Variants in ALDH1L2 observed in about 807,000 individuals in gnomAD.
ALDH1L2 encodes the protein mitochondrial 10-formyltetrahydrofolate dehydrogenase.
ALDH1L2 carries 91 observed loss-of-function variants against 111.0 expected under a neutral mutation model. That is an observed-to-expected ratio of 0.82 (90% confidence interval 0.69 to 0.98). The LOEUF (loss-of-function observed/expected upper bound fraction) is 0.98. Among genes scored for constraint, ALDH1L2 ranks in the 50% least tolerant of loss-of-function variants. The pLI, the probability that ALDH1L2 is intolerant of heterozygous loss-of-function variation, is 0.00. For synonymous variants in ALDH1L2, 374 were observed against 392.6 expected, an observed-to-expected ratio of 0.95 and a Z score of 0.56; for missense variants, 995 against 1,126.8, an observed-to-expected ratio of 0.88 and a Z score of 1.67.
intron 1 of ALDH1L2, among the ~76,000 whole-genome samples, chr12:105,078,076 GC>G (rs5800648): frequency 0.11 from 17,350 of 152,210 alleles, 1,118 homozygotes; most frequent in African/African-American, 0.18. Context: ...TGGGCGTAGT[GC>G]ATGGTAGAGG....
intron 9 of ALDH1L2, chr12:105,060,672 A>G (rs1876933451): frequency 4.9e-6 from 1 of 202,848 alleles, no homozygotes; most frequent in Admixed American, 5.3e-5. Context: ...TAAAAATACA[A>G]AATTAGCTGG....
Position 105,076,173 on chromosome 12 carries a change from A to G in ALDH1L2, c.49-2168T>C, listed in dbSNP as rs556485844. Among the ~76,000 whole-genome samples, 32 of 152,336 alleles carry G rather than the reference A, an allele frequency of 2.1e-4. 1 individual carries two copies. Among genetic ancestry groups the G allele is most frequent in the Admixed American group, 3.9e-4 (6 of 15,296 alleles). On this transcript the variant is annotated intron_variant, in intron 1 of 22. Coordinates refer to ENST00000258494, the MANE Select transcript of ALDH1L2 (RefSeq NM_001034173.4). ...GATTCCTGGGCCCTACTTCAGATCT[A>G]CTGACTCAGAATCTTAAGCCCAGGA...
intron 3 of ALDH1L2, 75 bp from the exon 4 acceptor site, chr12:105,068,959 A>G: frequency 8.0e-7 from 1 of 1,245,680 alleles, no homozygotes; most frequent in Middle Eastern, 2.0e-4. Flanking sequence ...ATATTAAAGT[A>G]TAAGATAGTT....
rs1877526031 is a variant in ALDH1L2, at chr12:105,068,861, T to TTCTTA, written c.447_451dup (p.Lys151IlefsTer51). 10 of 1,582,166 alleles carry TTCTTA rather than the reference T, an allele frequency of 6.3e-6. No individual in the cohort carries two copies. The highest frequency in any genetic ancestry group is 1.4e-5 in the African/African-American group (1 of 73,048). On this transcript the variant is annotated frameshift_variant, in exon 4 of 23. Transcript: ENST00000258494. LOFTEE classifies it high-confidence loss of function. ...AGCCCAGAAAACAGAAAACCCAGCT[T>TTCTTA]TCTTATCTCCCATAATTAGAGTCCT...
chr12:105,046,193 C>CTATATATA (rs1555225141), intron 15 of ALDH1L2, among the ~76,000 whole-genome samples: 13 of 20,168 alleles, frequency 6.4e-4, no homozygotes, highest in South Asian at 1.7e-3. Context: ...CTCTCTCTCT[C>CTATATATA]TATATATATA....
chr12:105,030,571 G>GAAC, intron 20 of ALDH1L2, 142 bp from the exon 21 acceptor site: 1 of 550,532 alleles, frequency 1.8e-6, no homozygotes, highest in Non-Finnish European at 3.0e-6. Flanking sequence ...TCTATTTGGT[G>GAAC]TTGGCATGCC....
At chr12:105,070,523 A>G (rs752215853) in intron 3 of ALDH1L2, 47 bp downstream of exon 3, 2 of 1,472,944 alleles carry the variant, frequency 1.4e-6, no homozygotes, top group African/African-American at 2.8e-5. Flanking sequence ...TGGGCAACAT[A>G]GCAAGACCCC....
intron 15 of ALDH1L2, among the ~76,000 whole-genome samples, chr12:105,041,803 C>A (rs1223546410): frequency 6.6e-6 from 1 of 152,172 alleles, no homozygotes; most frequent in Non-Finnish European, 1.5e-5. Flanking sequence ...TTTTGATGTT[C>A]AATTGTTCTA....
intron 1 of ALDH1L2, among the ~76,000 whole-genome samples, chr12:105,074,704 G>A (rs1335132830): frequency 6.6e-6 from 1 of 152,050 alleles, no homozygotes; most frequent in Non-Finnish European, 1.5e-5. Context: ...AAGCCTCACT[G>A]AGAAACTCTG....
rs374267081 is a variant in ALDH1L2, at chr12:105,033,322, G to A, written c.2244+978C>T. Among the ~76,000 whole-genome samples the A allele has an allele frequency of 1.9e-4, 29 of 152,334 alleles. 1 individual carries two copies. In the East Asian group the frequency reaches 2.9e-3, roughly 15 times the overall value. ...CAAATCCTTGACATTTCTGGTCTCA[G>A]TGTTTGAAATTTCAACAACTTTTAG... On this transcript the variant is annotated intron_variant, in intron 19 of 22. Transcript: ENST00000258494.
intron 22 of ALDH1L2, 69 bp downstream of exon 22, chr12:105,026,476 G>A (rs879227963): frequency 1.9e-6 from 3 of 1,569,404 alleles, no homozygotes; most frequent in South Asian, 2.3e-5. Context: ...CACAAGTCAT[G>A]AAACATAGAG....
At chr12:105,038,243 C>CTA in intron 17 of ALDH1L2, 41 bp from the exon 18 acceptor site, 1 of 336,484 alleles carries the variant, frequency 3.0e-6, no homozygotes, top group South Asian at 3.6e-5. Context: ...TAGTTAACAT[C>CTA]TCTCTCTCTC....
At chr12:105,069,827 A>G (rs1347563246) in intron 3 of ALDH1L2, among the ~76,000 whole-genome samples, 2 of 152,206 alleles carry the variant, frequency 1.3e-5, no homozygotes, top group Non-Finnish European at 2.9e-5. Context: ...TTAGGTACCT[A>G]CAATGTACCA....
At chr12:105,049,009 G>A (rs758712276) in intron 13 of ALDH1L2, among the ~76,000 whole-genome samples, 2 of 151,840 alleles carry the variant, frequency 1.3e-5, no homozygotes, top group African/African-American at 2.4e-5. Context: ...CAGCCTGGGC[G>A]ACAGAGCAAG....
rs1874108826 is a variant in ALDH1L2, at chr12:105,020,492, C to T, written c.*3932G>A. The stretch of plus-strand genomic sequence containing the variant: ...TTTGAAAGCAAACATTTATTGGGCT[C>T]CTGTTACACATTAGGACTGGAGATA... On this transcript the variant is annotated 3_prime_UTR_variant, in exon 23 of 23. Transcript: ENST00000258494. 1 of 152,122 alleles carries T rather than the reference C, an allele frequency of 6.6e-6. No individual in the cohort carries two copies. The highest frequency in any genetic ancestry group is 2.4e-5 in the African/African-American group (1 of 41,414). 9.4% of individuals were successfully genotyped at this position (152,122 alleles called of 1,614,324 possible).
Position 105,038,207 on chromosome 12 carries a change from A to G in ALDH1L2, c.2046-5T>C. 1 of 1,609,330 alleles carries G rather than the reference A, an allele frequency of 6.2e-7. No homozygotes were observed. Among genetic ancestry groups the G allele is most frequent in the Non-Finnish European group, 8.5e-7 (1 of 1,176,438 alleles). ...TTCAAGTTGCTAACAGCACAGCTAG[A>G]GGAAAACAAATGAGAAATGAGCATT... is the stretch of plus-strand genomic sequence containing the variant. On this transcript the variant is annotated splice_polypyrimidine_tract_variant and splice_region_variant and intron_variant, in intron 17 of 22. Coordinates refer to ENST00000258494, the MANE Select transcript of ALDH1L2 (RefSeq NM_001034173.4).
chr12:105,081,833 A>C (rs1276257050), intron 1 of ALDH1L2, among the ~76,000 whole-genome samples: 2 of 152,192 alleles, frequency 1.3e-5, no homozygotes, highest in East Asian at 3.8e-4. Flanking sequence ...CTTTATTTTT[A>C]TTCATCCTTC....
intron 21 of ALDH1L2, among the ~76,000 whole-genome samples, chr12:105,028,745 C>G (rs1442951738): frequency 6.6e-6 from 1 of 152,134 alleles, no homozygotes; most frequent in Non-Finnish European, 1.5e-5. Context: ...CACCATAGCT[C>G]CATAGCACAT....
At chr12:105,058,296 A>G in intron 9 of ALDH1L2, 76 bp from the exon 10 acceptor site, 1 of 1,481,598 alleles carries the variant, frequency 6.7e-7, no homozygotes, top group South Asian at 1.4e-5. Context: ...TGCACTTGTC[A>G]AGTTGTTTTG....
Sources: gnomAD v4.1 joint callset for allele counts (sites outside exome capture counted in the v4.1 genomes callset) on GRCh38, gnomAD v4.1.1 for gene constraint, MANE v1.5 for transcripts, NCBI Gene and HGNC (gene_info 2026-07-23, HGNC 2026-07-21) for gene names.